Variants in ROBO1 observed in about 807,000 individuals in gnomAD.
ROBO1 encodes the protein roundabout guidance receptor 1.
Under a neutral mutation model 195.9 loss-of-function variants are expected in ROBO1, and 149 were observed. That is an observed-to-expected ratio of 0.76 (90% CI 0.67 to 0.87). The LOEUF (loss-of-function observed/expected upper bound fraction) is 0.87, where lower values mean the gene tolerates loss of function less well. Ranked by LOEUF, ROBO1 falls within the 40% of genes least tolerant of loss-of-function variation. The pLI is 0.00. For missense variants in ROBO1, 1,933 were observed against 2,068.3 expected, an observed-to-expected ratio of 0.93 and a Z score of 1.27; for synonymous variants, 816 against 733.2, an observed-to-expected ratio of 1.11 and a Z score of -1.82.
At position 78,611,203 on chromosome 3, in the gene ROBO1, G is replaced by A. The variant is rs139612932; in HGVS notation, c.4435+3445C>T. Among the ~76,000 whole-genome samples the A allele has an allele frequency of 1.2e-4, 19 of 152,226 alleles. No individual in the cohort carries two copies. In the East Asian group the frequency reaches 3.3e-3, roughly 26 times the overall value. On this transcript the variant is annotated intron_variant, in intron 28 of 30. Transcript: ENST00000464233. ...GATCCAGCACTCTATTTACTTGACC[G>A]CTTCAAGTCCTCAGACCTTGTAATT...
intron 2 of ROBO1, among the ~76,000 whole-genome samples, chr3:79,427,911 C>CA (rs1457889400): frequency 6.6e-6 from 1 of 152,048 alleles, no homozygotes; most frequent in Non-Finnish European, 1.5e-5. Context: ...ACCCCATGAT[C>CA]ACGGGCAACC....
At chr3:79,467,862 C>T (rs191509173) in intron 2 of ROBO1, among the ~76,000 whole-genome samples, 1 of 152,308 alleles carries the variant, frequency 6.6e-6, no homozygotes, top group East Asian at 1.9e-4. Context: ...GGCTCACCTG[C>T]CTGCTCCCCC....
chr3:79,510,735 AAG>A (rs1267713555), intron 2 of ROBO1, among the ~76,000 whole-genome samples: 7 of 152,172 alleles, frequency 4.6e-5, no homozygotes, highest in Non-Finnish European at 1.0e-4. Flanking sequence ...AGTCTTGAAA[AAG>A]AAATGAAAAT....
chr3:78,807,168 C>G (rs1165017762), intron 4 of ROBO1, among the ~76,000 whole-genome samples: 1 of 152,030 alleles, frequency 6.6e-6, no homozygotes, highest in Non-Finnish European at 1.5e-5. Flanking sequence ...TCAGAGCAAT[C>G]TATAAAGGAG....
chr3:79,526,792 T>C lies in ROBO1; in HGVS notation c.88+63032A>G, dbSNP rs1941450621. 2.6e-5 allele frequency among the ~76,000 whole-genome samples: 4 copies of C among 152,256 alleles called. No individual in the cohort carries two copies. In the South Asian group the frequency reaches 8.3e-4, roughly 32 times the overall value. On this transcript the variant is annotated intron_variant, in intron 2 of 30. Coordinates refer to ENST00000464233, the MANE Select transcript of ROBO1 (RefSeq NM_002941.4). ...AAAGCAGTAAGACTAAATTCTATAA[T>C]CTTTTTGCAATTATGATTCTAAGAG...
intron 1 of ROBO1, among the ~76,000 whole-genome samples, chr3:79,765,830 T>C (rs1479013410): frequency 6.6e-6 from 1 of 152,150 alleles, no homozygotes; most frequent in Non-Finnish European, 1.5e-5. Context: ...GTCCTGCATC[T>C]ACGCTCCTTC....
chr3:79,586,244 C>A (rs1943826816), intron 2 of ROBO1, among the ~76,000 whole-genome samples: 1 of 151,944 alleles, frequency 6.6e-6, no homozygotes, highest in Non-Finnish European at 1.5e-5. Flanking sequence ...ATTGTAATTT[C>A]TAAAATTTTG....
intron 2 of ROBO1, among the ~76,000 whole-genome samples, chr3:79,441,563 G>A (rs2039055058): frequency 6.6e-6 from 1 of 152,044 alleles, no homozygotes; most frequent in South Asian, 2.1e-4. Flanking sequence ...TTTACAGCGA[G>A]AAAATAGAAT....
chr3:78,742,057 G>T (rs1212033861), intron 5 of ROBO1, among the ~76,000 whole-genome samples: 1 of 152,082 alleles, frequency 6.6e-6, no homozygotes, highest in East Asian at 1.9e-4. Flanking sequence ...TACAGGTGCA[G>T]CTATAATTCA....
At chr3:78,623,725 G>A (rs978600249) in intron 26 of ROBO1, among the ~76,000 whole-genome samples, 7 of 152,240 alleles carry the variant, frequency 4.6e-5, no homozygotes, top group Admixed American at 2.0e-4. Flanking sequence ...AACGGCTGTC[G>A]GAACTAGGAA....
intron 2 of ROBO1, among the ~76,000 whole-genome samples, chr3:79,573,841 T>A (rs1271423877): frequency 6.6e-6 from 1 of 152,152 alleles, no homozygotes; most frequent in African/African-American, 2.4e-5. Context: ...ATGATAATTT[T>A]AAAAATATTA....
intron 1 of ROBO1, among the ~76,000 whole-genome samples, chr3:79,745,022 T>G (rs142726562): frequency 6.6e-6 from 1 of 152,296 alleles, no homozygotes; most frequent in Admixed American, 6.5e-5. Context: ...TATTCAAACC[T>G]TCTATTTCAG....
intron 3 of ROBO1, among the ~76,000 whole-genome samples, chr3:78,979,313 G>T (rs1453783505): frequency 6.6e-6 from 1 of 152,100 alleles, no homozygotes; most frequent in Non-Finnish European, 1.5e-5. Flanking sequence ...GAAAAAATCC[G>T]GGCTTTTATC....
chr3:79,385,386 G>T (rs2036704756), intron 2 of ROBO1, among the ~76,000 whole-genome samples: 1 of 152,036 alleles, frequency 6.6e-6, no homozygotes, highest in South Asian at 2.1e-4. Flanking sequence ...ATGGCGCCTG[G>T]AGCTGAAGAG....
rs1018809130 is a variant in ROBO1 at position 79,698,085 on chromosome 3, A to C, written c.-51+69667T>G. On this transcript the variant is annotated intron_variant, in intron 1 of 30. Coordinates refer to ENST00000464233, the MANE Select transcript of ROBO1 (RefSeq NM_002941.4). ...TTAGGAGCCACTTGAATTTCCATAC[A>C]TTAGGAGATAATCTAATAGTAAAAC... Among the ~76,000 whole-genome samples the C allele has an allele frequency of 2.6e-5, 4 of 151,530 alleles. No individual in the cohort carries two copies. The Admixed American group carries it at 2.6e-4, about 10-fold the overall frequency.
At chr3:79,419,197 G>A (rs372991019) in intron 2 of ROBO1, among the ~76,000 whole-genome samples, 1 of 152,138 alleles carries the variant, frequency 6.6e-6, no homozygotes, top group Non-Finnish European at 1.5e-5. Context: ...GAGAGAGAGG[G>A]AGAAACCAGC....
At chr3:79,619,903 A>C (rs923861937) in intron 1 of ROBO1, among the ~76,000 whole-genome samples, 3 of 152,048 alleles carry the variant, frequency 2.0e-5, no homozygotes, top group Non-Finnish European at 4.4e-5. Context: ...GACTTAATTA[A>C]CCTCGCCTTC....
chr3:79,069,983 T>C (rs1187816498), intron 3 of ROBO1, among the ~76,000 whole-genome samples: 1 of 151,910 alleles, frequency 6.6e-6, no homozygotes, highest in Non-Finnish European at 1.5e-5. Context: ...AACTTCCCTC[T>C]TCATCTTTTC....
intron 3 of ROBO1, among the ~76,000 whole-genome samples, chr3:79,117,142 G>C (rs1009936531): frequency 6.6e-6 from 1 of 151,970 alleles, no homozygotes; most frequent in Non-Finnish European, 1.5e-5. Context: ...CAAGGTGGGC[G>C]GATTGCCCGT....
Sources: gnomAD v4.1 joint callset for allele counts (sites outside exome capture counted in the v4.1 genomes callset) on GRCh38, gnomAD v4.1.1 for gene constraint, MANE v1.5 for transcripts, NCBI Gene and HGNC (gene_info 2026-07-23, HGNC 2026-07-21) for gene names.